The following PCDH10 variants were observed in gnomAD, a reference collection of about 807,000 sequenced individuals.
PCDH10 encodes the protein protocadherin 10, also known as protocadherin-10.
In PCDH10, 15 loss-of-function variants were observed where a neutral mutation model predicts 74.4. The ratio of observed to expected loss-of-function variants is 0.20; its 90% CI spans 0.13 to 0.31. The LOEUF (loss-of-function observed/expected upper bound fraction) is 0.31, where lower values mean the gene tolerates loss of function less well. Among genes scored for constraint, PCDH10 ranks in the 10% least tolerant of loss-of-function variants. PCDH10 has a pLI of 1.00. For missense variants in PCDH10, 1,260 were observed against 1,390.2 expected, an observed-to-expected ratio of 0.91 and a Z score of 1.49; for synonymous variants, 619 against 589.8, an observed-to-expected ratio of 1.05 and a Z score of -0.72.
rs931982771 is a variant in PCDH10 at position 133,193,879 on chromosome 4, C to T, written c.*3719C>T. The T allele has an allele frequency of 2.6e-5, 4 of 151,448 alleles. No homozygotes were observed. Among genetic ancestry groups the T allele is most frequent in the Non-Finnish European group, 5.9e-5 (4 of 67,636 alleles). The allele number at this position is 151,448 out of a possible 1,614,324, so 9.4% of individuals were successfully genotyped here. A position where few individuals can be genotyped will look rare whatever the true frequency, so the allele number is the denominator to read the frequency against. On this transcript the variant is annotated 3_prime_UTR_variant, in exon 5 of 5. Transcript: ENST00000264360. ...TTTGCACTTAACATCCTTTTGTGTT[C>T]CTTTTTAACAAGGAAAAACAGAAAA...
At chr4:133,197,777 T>C (rs548661612), downstream of PCDH10, among the ~76,000 whole-genome samples, 19 of 152,246 alleles carry the variant, frequency 1.2e-4, no homozygotes, top group African/African-American at 4.6e-4. Context: ...CTCCCTATCA[T>C]TGTGAATAAC....
chr4:133,153,029 T>C (rs1450645967), intron 1 of PCDH10: 5 of 1,425,768 alleles, frequency 3.5e-6, no homozygotes, highest in Non-Finnish European at 4.6e-6. Context: ...CCTCCTTTGC[T>C]CTTCCATCCT....
chr4:133,179,963 A>T (rs34636424), intron 4 of PCDH10, among the ~76,000 whole-genome samples: 4,112 of 152,116 alleles, frequency 0.027, 155 homozygotes, highest in East Asian at 0.17. Flanking sequence ...GAATGACATT[A>T]AAAAAAGCAA....
At chr4:133,187,073 C>T (rs983071233) in intron 4 of PCDH10, among the ~76,000 whole-genome samples, 46 of 152,146 alleles carry the variant, frequency 3.0e-4, no homozygotes, top group African/African-American at 1.0e-3. Context: ...TGAAATAAAG[C>T]GGATGTGACT....
intron 4 of PCDH10, among the ~76,000 whole-genome samples, chr4:133,169,157 CTTTT>C (rs1340928568): frequency 2.0e-5 from 3 of 151,724 alleles, no homozygotes; most frequent in Admixed American, 2.0e-4. Context: ...TACCATCTTT[CTTTT>C]GTCTACTAGC....
chr4:133,150,831 A>G lies in PCDH10; in HGVS notation c.691A>G (p.Thr231Ala), dbSNP rs1560702090. Reference protein sequence around the residue: ...GAGLPPQQQRTGTALLTIRVL... With the variant: ...GAGLPPQQQRAGTALLTIRVL... ...AGGCCTGCCCCCCCAGCAGCAGCGC[A>G]CCGGCACGGCCCTACTCACCATCCG... is the stretch of plus-strand genomic sequence containing the variant. The change falls in exon 1 of 5, where the codon ACC (threonine) becomes GCC (alanine). Residue 231 changes from threonine (T) to alanine (A), a missense_variant. Thr to Ala is a moderately conservative substitution (Grantham distance 58). Around this residue, in one of 11 missense-constraint regions of PCDH10, gnomAD observed 192 missense variants for 161.2 expected, o/e 1.19. Coordinates refer to ENST00000264360, the MANE Select transcript of PCDH10 (RefSeq NM_032961.3). 2 of 1,592,012 alleles carry G rather than the reference A, an allele frequency of 1.3e-6. No homozygotes were observed. The highest frequency in any genetic ancestry group is 1.1e-5 in the South Asian group (1 of 88,356).
chr4:133,187,923 A>G (rs1057060527), intron 4 of PCDH10, among the ~76,000 whole-genome samples: 1 of 152,128 alleles, frequency 6.6e-6, no homozygotes, highest in Non-Finnish European at 1.5e-5. Context: ...TACTCTAAAC[A>G]TATGCTATGT....
At chr4:133,183,999 A>G (rs1727474127) in intron 4 of PCDH10, among the ~76,000 whole-genome samples, 2 of 152,150 alleles carry the variant, frequency 1.3e-5, no homozygotes. Context: ...TTTAATAACT[A>G]TTAATTGCAA....
chr4:133,186,562 A>G (rs1170344420), intron 4 of PCDH10, among the ~76,000 whole-genome samples: 2 of 152,200 alleles, frequency 1.3e-5, no homozygotes, highest in Non-Finnish European at 2.9e-5. Flanking sequence ...CCTAAAATGC[A>G]TCAGCAAATA....
chr4:133,189,483 C>T (rs982110367), intron 4 of PCDH10, among the ~76,000 whole-genome samples: 5 of 151,960 alleles, frequency 3.3e-5, no homozygotes, highest in Non-Finnish European at 5.9e-5. Context: ...TTTTATACAA[C>T]TAGAGCAAAT....
intron 3 of PCDH10, among the ~76,000 whole-genome samples, chr4:133,160,659 C>A (rs1484620405): frequency 6.7e-6 from 1 of 149,372 alleles, no homozygotes; most frequent in African/African-American, 2.5e-5. Flanking sequence ...TGTGTGGAAT[C>A]GTCATATTCA....
chr4:133,171,152 C>T (rs1214092814), intron 4 of PCDH10, among the ~76,000 whole-genome samples: 1 of 151,970 alleles, frequency 6.6e-6, no homozygotes, highest in Non-Finnish European at 1.5e-5. Flanking sequence ...ACGTTTTCCC[C>T]ACCTTAAGAT....
At position 133,151,289 on chromosome 4, in the gene PCDH10, T is replaced by C. The variant is rs1726682035; in HGVS notation, c.1149T>C (p.Thr383=). Residue 383 remains threonine, a synonymous_variant, in exon 1 of 5, where the codon ACT becomes ACC. Coordinates refer to ENST00000264360, the MANE Select transcript of PCDH10 (RefSeq NM_032961.3). The part of the protein sequence containing the change: ...PGTVVALFSV[T]DRDSEENGQV... ...CTGTGGTGGCCCTTTTCAGCGTGAC[T>C]GACCGCGACTCAGAGGAGAATGGGC... 6.2e-7 allele frequency: 1 copy of C among 1,613,970 alleles called. No homozygotes were observed. Among genetic ancestry groups the C allele is most frequent in the Admixed American group, 1.7e-5 (1 of 59,994 alleles).
intron 4 of PCDH10, among the ~76,000 whole-genome samples, chr4:133,186,431 A>C (rs1043121139): frequency 6.6e-6 from 1 of 152,160 alleles, no homozygotes; most frequent in African/African-American, 2.4e-5. Flanking sequence ...CAAGAAAAAA[A>C]TGCTTTTGTG....
chr4:133,150,033 A>C lies in PCDH10; in HGVS notation c.-108A>C. On this transcript the variant is annotated 5_prime_UTR_variant, in exon 1 of 5. Transcript: ENST00000264360. ...CAGAAAGCCACAGGAGCCCCCACGTAGCGCACTTTTATTTGTATTTTTTCA... is the reference window on the plus strand; with the variant it reads ...CAGAAAGCCACAGGAGCCCCCACGTCGCGCACTTTTATTTGTATTTTTTCA... 3.8e-3 allele frequency: 4,433 copies of C among 1,153,340 alleles called. No individual in the cohort carries two copies. The highest frequency in any genetic ancestry group is 4.7e-3 in the Non-Finnish European group (3,982 of 844,214). The allele number at this position is 1,153,340 out of a possible 1,614,324, so 71.4% of individuals were successfully genotyped here. A position where few individuals can be genotyped will look rare whatever the true frequency, so the allele number is the denominator to read the frequency against.
chr4:133,167,883 A>G lies in PCDH10; in HGVS notation c.3103+4601A>G, dbSNP rs1044790243. ...TCTGGCATTATCAAAAAGTTTAGTC[A>G]CTTCAACTCCATGAATAGGAAACAA... On this transcript the variant is annotated intron_variant, in intron 4 of 4. Coordinates refer to ENST00000264360, the MANE Select transcript of PCDH10 (RefSeq NM_032961.3). 1.3e-5 allele frequency among the ~76,000 whole-genome samples: 2 copies of G among 151,366 alleles called. 1 individual carries two copies. The highest frequency in any genetic ancestry group is 1.3e-4 in the Admixed American group (2 of 15,180).
chr4:133,206,541 C>T (rs1464972334), intron 2 of PCDH10, among the ~76,000 whole-genome samples: 2 of 152,192 alleles, frequency 1.3e-5, no homozygotes, highest in Non-Finnish European at 2.9e-5. Context: ...CAGGTTTCTT[C>T]TTTACACTCT....
intron 2 of PCDH10, among the ~76,000 whole-genome samples, chr4:133,201,856 CAAAAA>C (rs11400760): frequency 8.3e-5 from 6 of 72,372 alleles, no homozygotes; most frequent in East Asian, 9.2e-4. Flanking sequence ...AACTCCATCT[CAAAAA>C]AAAAAAAAAA....
At position 133,191,843 on chromosome 4, in the gene PCDH10, G is replaced by T. The variant is rs182658188; in HGVS notation, c.*1683G>T. 3.4e-4 allele frequency: 52 copies of T among 151,542 alleles called. No homozygotes were observed. In the East Asian group the frequency reaches 8.5e-3, roughly 25 times the overall value. The allele number at this position is 151,542 out of a possible 1,614,324, so 9.4% of individuals were successfully genotyped here. On this transcript the variant is annotated 3_prime_UTR_variant, in exon 5 of 5. Transcript: ENST00000264360. ...CTGATCTTATATTCAATGACAGTTT[G>T]AGCTGCACTGTGTTATTAAAGAATA...
Sources: allele counts gnomAD v4.1 joint callset (sites outside exome capture counted in the v4.1 genomes callset), GRCh38; gene constraint gnomAD v4.1.1; regional missense constraint gnomAD v4.1.1; transcripts MANE v1.5; gene names NCBI Gene and HGNC (gene_info 2026-07-23, HGNC 2026-07-21).